The following SYN2 variants were observed in gnomAD, a reference collection of about 807,000 sequenced individuals.
SYN2 encodes synapsin II, also known as synapsin-2.
Under a neutral mutation model 50.9 loss-of-function variants are expected in SYN2, and 19 were observed. That is an observed-to-expected ratio of 0.37 (90% CI 0.26 to 0.55). The LOEUF (loss-of-function observed/expected upper bound fraction) is 0.55. Among genes scored for constraint, SYN2 ranks in the 20% least tolerant of loss-of-function variants. The pLI is 0.81. For missense variants in SYN2, 587 were observed against 576.4 expected (o/e 1.02, Z -0.19); for synonymous variants, 255 against 224.9 (o/e 1.13, Z -1.20).
At chr3:12,173,481 C>T (rs1697982321) in intron 10 of SYN2, among the ~76,000 whole-genome samples, 1 of 152,206 alleles carries the variant, frequency 6.6e-6, no homozygotes, top group African/African-American at 2.4e-5. Flanking sequence ...CTGCTTTCTT[C>T]TCCACCATCA....
chr3:12,007,050 C>T (rs1487481631), intron 1 of SYN2, among the ~76,000 whole-genome samples: 1 of 152,100 alleles, frequency 6.6e-6, no homozygotes, highest in African/African-American at 2.4e-5. Flanking sequence ...GGTACTGATA[C>T]TTATTTGTAT....
chr3:12,156,806 G>C, intron 5 of SYN2: 1 of 1,599,940 alleles, frequency 6.3e-7, no homozygotes, highest in South Asian at 1.1e-5. Context: ...CCAGTTGTTG[G>C]TCTTTTAACT....
At chr3:12,014,130 T>G (rs1693972828) in intron 1 of SYN2, among the ~76,000 whole-genome samples, 1 of 152,236 alleles carries the variant, frequency 6.6e-6, no homozygotes, top group Non-Finnish European at 1.5e-5. Flanking sequence ...ATGGTCTGTT[T>G]ATGTGTCTGC....
intron 10 of SYN2, among the ~76,000 whole-genome samples, chr3:12,171,747 A>G (rs957554661): frequency 6.6e-6 from 1 of 152,184 alleles, no homozygotes. Context: ...TTGTGTGTAA[A>G]GTTAAAGGTT....
intron 1 of SYN2, among the ~76,000 whole-genome samples, chr3:12,027,046 C>T (rs149761874): frequency 9.5e-4 from 145 of 152,274 alleles, no homozygotes; most frequent in Non-Finnish European, 1.7e-3. Flanking sequence ...TGGGGGGAGG[C>T]TCTGCTGATA....
At chr3:12,163,428 C>T (rs991363890) in intron 7 of SYN2, among the ~76,000 whole-genome samples, 1 of 151,210 alleles carries the variant, frequency 6.6e-6, no homozygotes. Context: ...TCACTACTTA[C>T]ACTCCCCACC....
chr3:12,130,220 G>T (rs1696764346), intron 1 of SYN2, among the ~76,000 whole-genome samples: 1 of 140,830 alleles, frequency 7.1e-6, no homozygotes, highest in Non-Finnish European at 1.5e-5. Context: ...AGAGAGATGT[G>T]TATGCATCTC....
At position 12,044,207 on chromosome 3, in the gene SYN2, A is replaced by ACACACACACC. The variant is rs1553610018; in HGVS notation, c.377+39288_377+39289insCCACACACAC. 1.6e-3 allele frequency among the ~76,000 whole-genome samples: 228 copies of ACACACACACC among 144,916 alleles called. 2 individuals carry two copies. Among genetic ancestry groups the ACACACACACC allele is most frequent in the East Asian group, 6.5e-3 (30 of 4,624 alleles). On this transcript the variant is annotated intron_variant, in intron 1 of 12. Transcript: ENST00000621198. The stretch of plus-strand genomic sequence containing the variant: ...CACACACACACACACACACACACAC[A>ACACACACACC]CACACACACACACACAGGTGTGAGG...
At chr3:12,071,123 A>G in intron 1 of SYN2, 1 of 560,926 alleles carries the variant, frequency 1.8e-6, no homozygotes, top group Non-Finnish European at 3.6e-6. Context: ...CTACATGCCA[A>G]CAAGGTGCTG....
chr3:12,140,410 A>G (rs1161006380), intron 1 of SYN2, among the ~76,000 whole-genome samples: 1 of 152,206 alleles, frequency 6.6e-6, no homozygotes, highest in Non-Finnish European at 1.5e-5. Context: ...CAGAGATGTT[A>G]TAACAAAACC....
chr3:12,151,249 G>A lies in SYN2; in HGVS notation c.697G>A (p.Val233Ile), dbSNP rs764500207. 9.3e-6 allele frequency: 15 copies of A among 1,612,524 alleles called. No homozygotes were observed. The highest frequency in any genetic ancestry group is 1.2e-5 in the Non-Finnish European group (14 of 1,179,454). ...TTTTCTTTTGCAGTTTGCCCAGCTGGTCGCTATCTATAAGACACTGGGAGG... is the reference window on the plus strand; with the variant it reads ...TTTTCTTTTGCAGTTTGCCCAGCTGATCGCTATCTATAAGACACTGGGAGG... The part of the protein sequence containing the change: ...CDKPWVFAQL[V>I]AIYKTLGGEK... The change falls in exon 5 of 13, where the codon GTC becomes ATC. Residue 233 changes from valine to isoleucine, a missense_variant. By Grantham distance (29) the Val-to-Ile change is conservative. Coordinates refer to ENST00000621198, the MANE Select transcript of SYN2 (RefSeq NM_133625.6).
intron 1 of SYN2, among the ~76,000 whole-genome samples, chr3:12,123,219 TA>T (rs1696599710): frequency 6.6e-6 from 1 of 152,260 alleles, no homozygotes; most frequent in African/African-American, 2.4e-5. Flanking sequence ...CCATAATTGA[TA>T]AAAGACATCA....
intron 1 of SYN2, among the ~76,000 whole-genome samples, chr3:12,087,522 A>G (rs1385064225): frequency 1.3e-5 from 2 of 152,104 alleles, no homozygotes. Flanking sequence ...CATGTCAACC[A>G]ATGGAACAGA....
Position 12,190,741 on chromosome 3 carries a change from C to T in SYN2, c.*116C>T. ...ATGACCTTGACGTGTGTGGTCCCTT[C>T]CTCTGCTCTGTTGTACTAAGTGATG... On this transcript the variant is annotated 3_prime_UTR_variant, in exon 13 of 13. Transcript: ENST00000621198. 13 of 1,483,596 alleles carry T rather than the reference C, an allele frequency of 8.8e-6. 1 individual carries two copies. The South Asian group carries it at 1.6e-4, about 18-fold the overall frequency. The allele number at this position is 1,483,596 out of a possible 1,614,324, so 91.9% of individuals were successfully genotyped here.
intron 1 of SYN2, among the ~76,000 whole-genome samples, chr3:12,036,555 C>T (rs960027834): frequency 3.9e-5 from 6 of 152,096 alleles, no homozygotes; most frequent in African/African-American, 7.2e-5. Flanking sequence ...TAATGAAACC[C>T]GAGGCAGTAA....
At chr3:12,034,222 T>C (rs1030926613) in intron 1 of SYN2, among the ~76,000 whole-genome samples, 1 of 152,218 alleles carries the variant, frequency 6.6e-6, no homozygotes, top group Non-Finnish European at 1.5e-5. Flanking sequence ...GTTATTATTA[T>C]AGTCATCCTA....
chr3:12,105,185 A>G (rs868438723), intron 1 of SYN2, among the ~76,000 whole-genome samples: 4 of 152,106 alleles, frequency 2.6e-5, no homozygotes, highest in Admixed American at 6.5e-5. Context: ...CAACTCATGC[A>G]GTGGCTACAG....
At chr3:12,183,824 A>T (rs555016451) in intron 11 of SYN2, 11 of 1,034,400 alleles carry the variant, frequency 1.1e-5, no homozygotes, top group East Asian at 2.1e-4. Flanking sequence ...CGAAAACCAC[A>T]AAAAGAAAAC....
chr3:12,183,644 G>T, intron 11 of SYN2: 2 of 1,404,118 alleles, frequency 1.4e-6, no homozygotes, highest in Non-Finnish European at 1.8e-6. Context: ...GCTCACTTAT[G>T]TTTTCTCTGT....
Sources: gnomAD v4.1 joint callset for allele counts (sites outside exome capture counted in the v4.1 genomes callset) on GRCh38, gnomAD v4.1.1 for gene constraint, MANE v1.5 for transcripts, NCBI Gene and HGNC (gene_info 2026-07-23, HGNC 2026-07-21) for gene names.